The following JAM2 variants were observed in gnomAD, a reference collection of about 807,000 sequenced individuals.
JAM2 encodes junctional adhesion molecule B.
A neutral mutation model predicts 42.0 loss-of-function variants in JAM2; 17 were observed. The ratio of observed to expected loss-of-function variants is 0.40; its 90% CI spans 0.28 to 0.61. The LOEUF (loss-of-function observed/expected upper bound fraction) is 0.61. Among genes scored for constraint, JAM2 ranks in the 20% least tolerant of loss-of-function variants. The pLI, the probability that JAM2 is intolerant of heterozygous loss-of-function variation, is 0.37. For missense variants in JAM2, 319 were observed against 358.3 expected, an observed-to-expected ratio of 0.89 and a Z score of 0.89; for synonymous variants, 118 against 128.6, an observed-to-expected ratio of 0.92 and a Z score of 0.56.
intron 1 of JAM2, among the ~76,000 whole-genome samples, chr21:25,667,123 C>T (rs1458804149): frequency 6.6e-6 from 1 of 152,220 alleles, no homozygotes; most frequent in Non-Finnish European, 1.5e-5. Flanking sequence ...TGGCCAACCA[C>T]AGTCGAAAAA....
chr21:25,652,155 G>T (rs777091413), intron 1 of JAM2, among the ~76,000 whole-genome samples: 2 of 152,160 alleles, frequency 1.3e-5, no homozygotes, highest in Non-Finnish European at 2.9e-5. Context: ...GGAGGCCCAG[G>T]CAGGAAGATT....
In JAM2 at chr21:25,701,647, G is replaced by A. The variant is rs182531654; in HGVS notation, c.598-523G>A. ...AAAAAATTCTAGAGTTGATAGAATC[G>A]ACAATCCTATAAACCGATACCAATT... On this transcript the variant is annotated intron_variant, in intron 5 of 9. Transcript: ENST00000480456. Among the ~76,000 whole-genome samples the A allele has an allele frequency of 3.7e-3, 569 of 152,294 alleles. 1 individual carries two copies. Among genetic ancestry groups the A allele is most frequent in the African/African-American group, 0.013 (539 of 41,562 alleles).
chr21:25,670,600 C>T (rs1362580919), intron 1 of JAM2, among the ~76,000 whole-genome samples: 1 of 152,126 alleles, frequency 6.6e-6, no homozygotes, highest in Non-Finnish European at 1.5e-5. Context: ...CAGATATTCA[C>T]TAAATTATTT....
At position 25,698,717 on chromosome 21, in the gene JAM2, T is replaced by A. The variant is rs774463021; in HGVS notation, c.435T>A (p.Ala145=). 1.9e-6 allele frequency: 3 copies of A among 1,614,138 alleles called. No individual in the cohort carries two copies. The highest frequency in any genetic ancestry group is 2.5e-6 in the Non-Finnish European group (3 of 1,180,010). ...CATCATGTGAAGTACCCTCTTCTGCTCTGAGTGGAACTGTGGTAGAGCTAC... is the reference window on the plus strand; with the variant it reads ...CATCATGTGAAGTACCCTCTTCTGCACTGAGTGGAACTGTGGTAGAGCTAC... ...AVPSCEVPSS[A]LSGTVVELRC... is the part of the protein sequence containing the mutation. The change falls in exon 5 of 10, where the codon GCT becomes GCA. Residue 145 remains alanine (A), a synonymous_variant. Coordinates refer to ENST00000480456, the MANE Select transcript of JAM2 (RefSeq NM_021219.4).
chr21:25,652,961 T>C (rs1018984743), intron 1 of JAM2, among the ~76,000 whole-genome samples: 7 of 152,236 alleles, frequency 4.6e-5, no homozygotes, highest in Admixed American at 4.6e-4. Context: ...GAGTCTTTTC[T>C]CTACAATCTT....
intron 4 of JAM2, among the ~76,000 whole-genome samples, chr21:25,697,908 A>G (rs1023438326): frequency 2.6e-4 from 34 of 132,862 alleles, no homozygotes; most frequent in South Asian, 1.4e-3. Flanking sequence ...ATTCTGTCTC[A>G]AAAAAAAAAA....
chr21:25,648,859 C>A (rs1202951377), intron 1 of JAM2, among the ~76,000 whole-genome samples: 1 of 152,178 alleles, frequency 6.6e-6, no homozygotes, highest in East Asian at 1.9e-4. Flanking sequence ...AGTAGAATTA[C>A]ATAAGCTGGA....
chr21:25,695,852 C>T (rs1427197991), intron 4 of JAM2, among the ~76,000 whole-genome samples: 1 of 151,200 alleles, frequency 6.6e-6, no homozygotes, highest in Non-Finnish European at 1.5e-5. Flanking sequence ...AGAGGCGCTT[C>T]CCACATCTCA....
chr21:25,697,408 A>C (rs2034062638), intron 4 of JAM2, among the ~76,000 whole-genome samples: 1 of 152,198 alleles, frequency 6.6e-6, no homozygotes, highest in Non-Finnish European at 1.5e-5. Context: ...CTGCAGTAGA[A>C]ATACTGCAAT....
rs11909533 is a variant in JAM2, at chr21:25,712,784, A to G, written c.864+402A>G. On this transcript the variant is annotated intron_variant, in intron 9 of 9. Transcript: ENST00000480456. ...TCTTCCCTGTAGCTTGACCAAGCAG[A>G]GTGGTTCCAGCAGAGCTGTGGTTCT... is the stretch of plus-strand genomic sequence containing the variant. Among the ~76,000 whole-genome samples, 897 of 152,274 alleles carry G rather than the reference A, an allele frequency of 5.9e-3. 9 individuals are homozygous for G. Among genetic ancestry groups the G allele is most frequent in the African/African-American group, 0.02 (819 of 41,528 alleles).
intron 1 of JAM2, among the ~76,000 whole-genome samples, chr21:25,675,324 C>T (rs953362682): frequency 1.3e-5 from 2 of 152,084 alleles, no homozygotes; most frequent in African/African-American, 2.4e-5. Flanking sequence ...GGTGAAACCC[C>T]ATCTCCACTA....
chr21:25,662,042 G>A (rs9808819), intron 1 of JAM2, among the ~76,000 whole-genome samples: 60,578 of 152,020 alleles, frequency 0.4, 14,033 homozygotes, highest in East Asian at 0.64. Context: ...TAGTTTTTGA[G>A]TTATTCGGTG....
Position 25,640,105 on chromosome 21 carries a change from C to A in JAM2, c.67+217C>A, listed in dbSNP as rs561666141. On this transcript the variant is annotated intron_variant, in intron 1 of 9. Coordinates refer to ENST00000480456, the MANE Select transcript of JAM2 (RefSeq NM_021219.4). ...GAGGTCGTGGGTTTCTTGTGAATTGCGTCTGATTTTGTCAGTTCTAGATAC... is the reference window on the plus strand; with the variant it reads ...GAGGTCGTGGGTTTCTTGTGAATTGAGTCTGATTTTGTCAGTTCTAGATAC... 2.2e-3 allele frequency among the ~76,000 whole-genome samples: 336 copies of A among 152,338 alleles called. 3 individuals carry two copies. Among genetic ancestry groups the A allele is most frequent in the African/African-American group, 7.9e-3 (330 of 41,588 alleles).
chr21:25,666,994 CAAA>C (rs1421242470), intron 1 of JAM2, among the ~76,000 whole-genome samples: 3 of 152,140 alleles, frequency 2.0e-5, no homozygotes, highest in Non-Finnish European at 2.9e-5. Context: ...TTGGCTACTT[CAAA>C]ATCTTTTGTT....
chr21:25,693,951 TCCA>T (rs758235018), intron 4 of JAM2, 43 bp downstream of exon 4: 30 of 1,594,282 alleles, frequency 1.9e-5, no homozygotes, highest in Non-Finnish European at 2.3e-5. Flanking sequence ...CCACTCCTTC[TCCA>T]CCACCCAGCC....
chr21:25,706,729 T>G (rs1414897789), intron 7 of JAM2, among the ~76,000 whole-genome samples: 1 of 152,034 alleles, frequency 6.6e-6, no homozygotes, highest in Non-Finnish European at 1.5e-5. Flanking sequence ...CTTTGCATGT[T>G]TTTAAGATTT....
intron 1 of JAM2, among the ~76,000 whole-genome samples, chr21:25,680,743 G>A (rs1465145214): frequency 1.3e-5 from 2 of 152,174 alleles, no homozygotes; most frequent in Non-Finnish European, 2.9e-5. Context: ...ATAAAAAGGA[G>A]GTAGTTTAGT....
chr21:25,643,851 GGAT>G (rs2032521858), intron 1 of JAM2: 2 of 152,110 alleles, frequency 1.3e-5, no homozygotes, highest in Admixed American at 1.3e-4. Flanking sequence ...AGGAGCTTAC[GGAT>G]GTTCACCACC....
intron 3 of JAM2, among the ~76,000 whole-genome samples, chr21:25,691,489 T>C (rs1434713666): frequency 6.6e-6 from 1 of 152,250 alleles, no homozygotes; most frequent in Non-Finnish European, 1.5e-5. Context: ...TCCAATTGGC[T>C]GGGACTACAG....
Sources: gnomAD v4.1 joint callset for allele counts (sites outside exome capture counted in the v4.1 genomes callset) on GRCh38, gnomAD v4.1.1 for gene constraint, MANE v1.5 for transcripts, NCBI Gene and HGNC (gene_info 2026-07-23, HGNC 2026-07-21) for gene names.